Variants in TNR observed in about 807,000 individuals in gnomAD.
The protein encoded by TNR is tenascin R.
A neutral mutation model predicts 150.4 loss-of-function variants in TNR; 45 were observed. The ratio of observed to expected loss-of-function variants is 0.30; its 90% CI spans 0.24 to 0.38. TNR has a LOEUF of 0.38. Among genes scored for constraint, TNR ranks in the 10% least tolerant of loss-of-function variants. The probability of loss-of-function intolerance (pLI) is 1.00; values close to 1 mark genes in which losing one functional copy is unlikely to be tolerated. For synonymous variants in TNR, 687 were observed against 678.4 expected (o/e 1.01, Z -0.20); for missense variants, 1,544 against 1,759.1 (o/e 0.88, Z 2.19).
chr1:175,472,967 G>A (rs1022959829), intron 2 of TNR, among the ~76,000 whole-genome samples: 2 of 152,148 alleles, frequency 1.3e-5, no homozygotes, highest in African/African-American at 4.8e-5. Flanking sequence ...GTTAAGATGG[G>A]GTCTAAGAAT....
chr1:175,556,188 G>T (rs1328323481), intron 1 of TNR, among the ~76,000 whole-genome samples: 1 of 152,192 alleles, frequency 6.6e-6, no homozygotes, highest in Non-Finnish European at 1.5e-5. Flanking sequence ...GCCATCCTTT[G>T]GTTTTGGCCT....
At position 175,592,789 on chromosome 1, in the gene TNR, G is replaced by T. The variant is rs16848732; in HGVS notation, c.-164-64420C>A. Among the ~76,000 whole-genome samples, 1,198 of 152,330 alleles carry T rather than the reference G, an allele frequency of 7.9e-3. 14 individuals are homozygous for T. Among genetic ancestry groups the T allele is most frequent in the African/African-American group, 0.027 (1,136 of 41,578 alleles). ...CAGCCTCCATTTCCTTTGGTGCTTA[G>T]TCTCCTAGTTTGGACATTTTTATTC... On this transcript the variant is annotated intron_variant, in intron 1 of 22. Transcript: ENST00000367674.
At chr1:175,668,152 C>G (rs1468432638) in intron 1 of TNR, among the ~76,000 whole-genome samples, 1 of 152,162 alleles carries the variant, frequency 6.6e-6, no homozygotes, top group African/African-American at 2.4e-5. Context: ...AGAATCCTGC[C>G]TTGTAGAAAT....
At chr1:175,608,074 C>T (rs1663471586) in intron 1 of TNR, among the ~76,000 whole-genome samples, 1 of 152,228 alleles carries the variant, frequency 6.6e-6, no homozygotes, top group South Asian at 2.1e-4. Context: ...CCCTAGATTG[C>T]AGCTCACCCT....
intron 1 of TNR, among the ~76,000 whole-genome samples, chr1:175,574,817 G>C (rs1395907890): frequency 6.6e-6 from 1 of 152,228 alleles, no homozygotes; most frequent in Non-Finnish European, 1.5e-5. Flanking sequence ...ACGGAAGGCA[G>C]ATCAAAGGCC....
At chr1:175,481,821 G>T (rs945381348) in intron 2 of TNR, among the ~76,000 whole-genome samples, 2 of 152,116 alleles carry the variant, frequency 1.3e-5, no homozygotes, top group African/African-American at 4.8e-5. Flanking sequence ...GATTGACGCA[G>T]AACTTTTCTC....
intron 1 of TNR, among the ~76,000 whole-genome samples, chr1:175,620,530 A>G (rs959533527): frequency 1.2e-4 from 19 of 152,220 alleles, no homozygotes; most frequent in African/African-American, 4.1e-4. Flanking sequence ...GCCCACCTCC[A>G]GCAGAGCTGC....
intron 20 of TNR, among the ~76,000 whole-genome samples, chr1:175,332,793 G>A (rs1650010907): frequency 6.6e-6 from 1 of 152,154 alleles, no homozygotes; most frequent in Non-Finnish European, 1.5e-5. Context: ...TCTCCAGGAA[G>A]CTGGTCTCTT....
intron 4 of TNR, among the ~76,000 whole-genome samples, chr1:175,399,287 A>G (rs1349456459): frequency 6.6e-6 from 1 of 152,208 alleles, no homozygotes; most frequent in Non-Finnish European, 1.5e-5. Context: ...AGTCACCAGC[A>G]ATTCTTAGGG....
chr1:175,689,739 TA>T (rs886903228), intron 1 of TNR, among the ~76,000 whole-genome samples: 2 of 152,164 alleles, frequency 1.3e-5, no homozygotes, highest in African/African-American at 4.8e-5. Context: ...AGCAGCATTA[TA>T]ACAGGGTGGC....
intron 2 of TNR, among the ~76,000 whole-genome samples, chr1:175,423,419 C>A (rs1295304491): frequency 6.6e-6 from 1 of 152,126 alleles, no homozygotes. Context: ...CCCATGGTGG[C>A]ATTTGTGGTG....
At chr1:175,508,370 G>A (rs547749973) in intron 2 of TNR, among the ~76,000 whole-genome samples, 286 of 152,284 alleles carry the variant, frequency 1.9e-3, no homozygotes, top group Non-Finnish European at 3.3e-3. Flanking sequence ...CTTTGGGATG[G>A]TCCCCAGTCA....
chr1:175,558,241 A>G (rs1571605327), intron 1 of TNR, among the ~76,000 whole-genome samples: 1 of 144,326 alleles, frequency 6.9e-6, no homozygotes, highest in African/African-American at 2.6e-5. Context: ...CCTGCACAAT[A>G]TGCACATGTA....
chr1:175,736,318 G>A (rs1034232617), intron 1 of TNR, among the ~76,000 whole-genome samples: 2 of 151,980 alleles, frequency 1.3e-5, no homozygotes, highest in African/African-American at 2.4e-5. Context: ...TCAGGATATC[G>A]AGACCATCCT....
chr1:175,587,089 C>T lies in TNR; in HGVS notation c.-164-58720G>A, dbSNP rs548927475. On this transcript the variant is annotated intron_variant, in intron 1 of 22. Transcript: ENST00000367674. ...TTATTTCTCTACAAAGCCTGCATTA[C>T]GTCAACATGACTTTTCCTTCAAGAA... Among the ~76,000 whole-genome samples the T allele has an allele frequency of 2.6e-5, 4 of 152,276 alleles. No homozygotes were observed. In the East Asian group the frequency reaches 5.8e-4, roughly 22 times the overall value.
chr1:175,330,341 G>C, intron 20 of TNR, 106 bp from the exon 21 acceptor site: 4,166 of 1,012,194 alleles, frequency 4.1e-3, no homozygotes, highest in Non-Finnish European at 5.2e-3. Flanking sequence ...GAAGAGGAGG[G>C]GACTCCAGAT....
chr1:175,516,123 C>T (rs1200054908), intron 2 of TNR, among the ~76,000 whole-genome samples: 1 of 152,138 alleles, frequency 6.6e-6, no homozygotes, highest in Non-Finnish European at 1.5e-5. Flanking sequence ...ATTTCTTATT[C>T]AGAATTCAAG....
intron 1 of TNR, among the ~76,000 whole-genome samples, chr1:175,737,014 C>T (rs1385137918): frequency 6.6e-6 from 1 of 151,926 alleles, no homozygotes; most frequent in African/African-American, 2.4e-5. Flanking sequence ...GAGTGAGATC[C>T]CATCTCAAAA....
chr1:175,541,484 C>G (rs1660497895), intron 1 of TNR, among the ~76,000 whole-genome samples: 1 of 152,154 alleles, frequency 6.6e-6, no homozygotes, highest in Non-Finnish European at 1.5e-5. Context: ...CACTAAGAGT[C>G]CTATCCAAAT....
Sources: gnomAD v4.1 joint callset for allele counts (sites outside exome capture counted in the v4.1 genomes callset) on GRCh38, gnomAD v4.1.1 for gene constraint, MANE v1.5 for transcripts, NCBI Gene and HGNC (gene_info 2026-07-23, HGNC 2026-07-21) for gene names.